PNPT1: variants seen among roughly 807,000 people sequenced by gnomAD.
PNPT1 encodes the protein polyribonucleotide nucleotidyltransferase 1, mitochondrial.
In PNPT1, 53 loss-of-function variants were observed where a neutral mutation model predicts 119.5. The ratio of observed to expected loss-of-function variants is 0.44; its 90% CI spans 0.36 to 0.56. PNPT1 has a LOEUF of 0.56. Among genes scored for constraint, PNPT1 ranks in the 20% least tolerant of loss-of-function variants. The pLI is 0.00. For missense variants in PNPT1, 948 were observed against 938.5 expected (o/e 1.01, Z -0.13); for synonymous variants, 357 against 322.1 (o/e 1.11, Z -1.16).
chr2:55,641,983 A>C (rs1240886132), intron 25 of PNPT1, among the ~76,000 whole-genome samples: 1 of 151,960 alleles, frequency 6.6e-6, no homozygotes, highest in African/African-American at 2.4e-5. Context: ...CTGGGATTAC[A>C]GGCATGCACC....
chr2:55,651,608 A>G (rs1696205802), intron 18 of PNPT1, among the ~76,000 whole-genome samples: 1 of 151,394 alleles, frequency 6.6e-6, no homozygotes, highest in South Asian at 2.1e-4. Flanking sequence ...CCACTCCCTA[A>G]TCTCAAGTAC....
intron 21 of PNPT1, 150 bp downstream of exon 21, chr2:55,646,109 T>G: frequency 1.3e-6 from 1 of 767,210 alleles, no homozygotes; most frequent in Non-Finnish European, 2.1e-6. Context: ...ATTACAGACA[T>G]GAGCCACCAC....
chr2:55,675,746 G>C (rs183674849), intron 8 of PNPT1, among the ~76,000 whole-genome samples: 1 of 152,112 alleles, frequency 6.6e-6, no homozygotes, highest in Admixed American at 6.6e-5. Flanking sequence ...AGTCTACAGA[G>C]CTGTGCTGTC....
At chr2:55,644,794 G>C in intron 22 of PNPT1, 74 bp from the exon 23 acceptor site, 1 of 1,049,126 alleles carries the variant, frequency 9.5e-7, no homozygotes, top group African/African-American at 1.7e-5. Flanking sequence ...ATGGTCACTT[G>C]AGATTTTTTT....
intron 8 of PNPT1, among the ~76,000 whole-genome samples, chr2:55,676,523 C>T (rs1157906595): frequency 6.6e-6 from 1 of 152,144 alleles, no homozygotes; most frequent in East Asian, 1.9e-4. Context: ...CAGCAGCTGA[C>T]AGCATGGAGT....
rs1697222487 is a variant in PNPT1 at position 55,680,744 on chromosome 2, G to A, written c.533C>T (p.Ser178Leu). 1.2e-6 allele frequency: 2 copies of A among 1,613,698 alleles called. No individual in the cohort carries two copies. Among genetic ancestry groups the A allele is most frequent in the Non-Finnish European group, 1.7e-6 (2 of 1,179,848 alleles). ...LAINGASVAL[S>L]LSDIPWNGPV... ...TCCATTCCAAGGAATATCTGATAAT[G>A]AGAGGGCTACGGAAGCTTAAAAAAG... is the stretch of plus-strand genomic sequence containing the variant. Residue 178 changes from serine to leucine, a missense_variant, in exon 7 of 28, where the codon TCA becomes TTA. Coordinates refer to ENST00000447944, the MANE Select transcript of PNPT1 (RefSeq NM_033109.5).
intron 18 of PNPT1, among the ~76,000 whole-genome samples, chr2:55,650,496 C>A (rs1331664235): frequency 1.3e-5 from 2 of 152,294 alleles, no homozygotes; most frequent in Admixed American, 6.5e-5. Context: ...CTCGCTACAA[C>A]CTTCACCTCC....
Position 55,656,109 on chromosome 2 carries a change from AAG to A in PNPT1, c.1441+20_1441+21del, listed in dbSNP as rs1427057323. ...GGGAATATGGTCTTTTCTACTATGA[AAG>A]AAGTATTTCAATACCATACCATTTG... is the stretch of plus-strand genomic sequence containing the variant. On this transcript the variant is annotated intron_variant, in intron 17 of 27. Transcript: ENST00000447944. The A allele has an allele frequency of 3.8e-6, 6 of 1,598,952 alleles. No individual in the cohort carries two copies. The highest frequency in any genetic ancestry group is 4.3e-6 in the Non-Finnish European group (5 of 1,175,498).
intron 1 of PNPT1, among the ~76,000 whole-genome samples, chr2:55,689,691 G>A (rs1442604367): frequency 6.6e-6 from 1 of 152,170 alleles, no homozygotes; most frequent in Non-Finnish European, 1.5e-5. Context: ...ACCTGGGGCT[G>A]GGGAGAAACG....
intron 11 of PNPT1, among the ~76,000 whole-genome samples, chr2:55,668,453 C>CTCTTGAACTCCTGAAGTCAGGCAA: frequency 6.6e-6 from 1 of 152,170 alleles, no homozygotes; most frequent in East Asian, 1.9e-4. Flanking sequence ...GCCCAGGCTG[C>CTCTTGAACTCCTGAAGTCAGGCAA]TCTTGAACTC....
At chr2:55,672,812 G>A (rs1696954609) in intron 9 of PNPT1, 81 bp downstream of exon 9, 1 of 1,308,880 alleles carries the variant, frequency 7.6e-7, no homozygotes, top group African/African-American at 1.5e-5. Flanking sequence ...CATGGGCAGT[G>A]CTTCCATGGG....
chr2:55,651,134 C>G (rs1458200146), intron 18 of PNPT1, among the ~76,000 whole-genome samples: 1 of 149,688 alleles, frequency 6.7e-6, no homozygotes, highest in Non-Finnish European at 1.5e-5. Context: ...CGCCTCTGCC[C>G]GGCCGCCCCT....
intron 18 of PNPT1, among the ~76,000 whole-genome samples, chr2:55,650,786 C>G (rs1490822747): frequency 6.6e-6 from 1 of 151,212 alleles, no homozygotes; most frequent in East Asian, 2.0e-4. Context: ...AGCCCCTCCG[C>G]CCGGCAGCCG....
chr2:55,680,609 A>G (rs976441621), intron 7 of PNPT1, 103 bp downstream of exon 7: 1 of 1,026,044 alleles, frequency 9.7e-7, no homozygotes, highest in Non-Finnish European at 1.5e-6. Flanking sequence ...ATTCATGAAG[A>G]GGTAATAAAT....
At chr2:55,684,605 A>G (rs1386805242) in intron 4 of PNPT1, among the ~76,000 whole-genome samples, 1 of 152,278 alleles carries the variant, frequency 6.6e-6, no homozygotes, top group Non-Finnish European at 1.5e-5. Flanking sequence ...TCTGAACATG[A>G]AAAAATGTAC....
chr2:55,660,754 G>T (rs1442110944), intron 14 of PNPT1, among the ~76,000 whole-genome samples: 1 of 152,204 alleles, frequency 6.6e-6, no homozygotes, highest in Non-Finnish European at 1.5e-5. Flanking sequence ...GGCCAGTGTG[G>T]CTGAGTGATG....
intron 15 of PNPT1, among the ~76,000 whole-genome samples, chr2:55,659,800 A>G (rs1696505524): frequency 6.6e-6 from 1 of 152,192 alleles, no homozygotes; most frequent in Non-Finnish European, 1.5e-5. Flanking sequence ...TAAAACTAGA[A>G]AAGTAAAATA....
chr2:55,664,678 C>CA (rs1240162398), intron 13 of PNPT1, among the ~76,000 whole-genome samples: 5 of 152,080 alleles, frequency 3.3e-5, no homozygotes, highest in African/African-American at 1.2e-4. Flanking sequence ...TAAATTCAAT[C>CA]ACATCAATGA....
In PNPT1 at chr2:55,685,099, CT is replaced by C. The variant is rs747804612; in HGVS notation, c.298-52del. Reference sequence around the variant, plus strand: ...ATATAATTCTTTTTGCAGAAACAAACTATACTGTATGAATGCTAATTCTCCT... The same window carrying C: ...ATATAATTCTTTTTGCAGAAACAAACATACTGTATGAATGCTAATTCTCCT... On this transcript the variant is annotated intron_variant, in intron 3 of 27. Coordinates refer to ENST00000447944, the MANE Select transcript of PNPT1 (RefSeq NM_033109.5). 13 of 1,396,496 alleles carry C rather than the reference CT, an allele frequency of 9.3e-6. No homozygotes were observed. In the South Asian group the frequency reaches 1.5e-4, roughly 16 times the overall value. 86.5% of individuals were successfully genotyped at this position (1,396,496 alleles called of 1,614,324 possible). A position where few individuals can be genotyped will look rare whatever the true frequency, so the allele number is the denominator to read the frequency against.
Sources: allele counts gnomAD v4.1 joint callset (sites outside exome capture counted in the v4.1 genomes callset), GRCh38; gene constraint gnomAD v4.1.1; transcripts MANE v1.5; gene names NCBI Gene and HGNC (gene_info 2026-07-23, HGNC 2026-07-21).